ASPHD2: variants seen among roughly 807,000 people sequenced by gnomAD.
ASPHD2 encodes the protein aspartate beta-hydroxylase domain-containing protein 2.
Under a neutral mutation model 34.6 loss-of-function variants are expected in ASPHD2, and 12 were observed. The observed-to-expected ratio is 0.35, with a 90% confidence interval of 0.22 to 0.56. ASPHD2 has a LOEUF of 0.56. Among genes scored for constraint, ASPHD2 ranks in the 20% least tolerant of loss-of-function variants. The pLI is 0.87. For synonymous variants in ASPHD2, 224 were observed against 212.2 expected, an observed-to-expected ratio of 1.06 and a Z score of -0.48; for missense variants, 375 against 505.0, an observed-to-expected ratio of 0.74 and a Z score of 2.47.
chr22:26,436,677 T>A (rs1487640345), intron 2 of ASPHD2, among the ~76,000 whole-genome samples: 1 of 152,178 alleles, frequency 6.6e-6, no homozygotes, highest in Non-Finnish European at 1.5e-5. Context: ...GGTTTGCCTT[T>A]ATGTATTGTT....
rs1302261068 is a variant in ASPHD2, at chr22:26,429,887, A to G, written c.-225+401A>G. On this transcript the variant is annotated intron_variant, in intron 1 of 3. Coordinates refer to ENST00000215906, the MANE Select transcript of ASPHD2 (RefSeq NM_020437.5). The surrounding 1 kb of genome is among the most constrained non-coding windows in gnomAD (Gnocchi z 4.5). The stretch of plus-strand genomic sequence containing the variant: ...CGTGGTGACCCTCCTCCCCTGTCCC[A>G]CGAATTATGAGGCGCCATAAACCTC... Among the ~76,000 whole-genome samples the G allele has an allele frequency of 6.7e-6, 1 of 150,084 alleles. No homozygotes were observed. The highest frequency in any genetic ancestry group is 2.5e-5 in the African/African-American group (1 of 40,570).
rs547974941 is a variant in ASPHD2, at chr22:26,443,168, C to T, written c.1072C>T (p.Arg358Trp). The T allele has an allele frequency of 6.2e-7, 1 of 1,614,104 alleles. No individual in the cohort carries two copies. The highest frequency in any genetic ancestry group is 8.5e-7 in the Non-Finnish European group (1 of 1,180,006). ...LWHPNVAAAE[R>W]QALDFIFAPG... ...GCATCCAAACGTCGCAGCGGCCGAACGGCAGGCTCTTGATTTCATCTTTGC... is the reference window on the plus strand; with the variant it reads ...GCATCCAAACGTCGCAGCGGCCGAATGGCAGGCTCTTGATTTCATCTTTGC... The change falls in exon 4 of 4, where the codon CGG becomes TGG. Residue 358 changes from arginine to tryptophan, a missense_variant. Around this residue, in one of 3 missense-constraint regions of ASPHD2, gnomAD observed 142 missense variants for 217.9 expected, o/e 0.65. Transcript: ENST00000215906.
In ASPHD2 at chr22:26,433,166, C is replaced by T. The variant is rs922481732; in HGVS notation, c.-224-226C>T. On this transcript the variant is annotated intron_variant, in intron 1 of 3. Transcript: ENST00000215906. This position sits in a 1 kb window ranked among gnomAD's most constrained non-coding sequence, Gnocchi z 5.1. Reference sequence around the variant, plus strand: ...GGATAATAGCACCTCCTATGGAGGGCACAAAGCAGATGGGACCACTGTAAT... The same window carrying T: ...GGATAATAGCACCTCCTATGGAGGGTACAAAGCAGATGGGACCACTGTAAT... 6.6e-6 allele frequency among the ~76,000 whole-genome samples: 1 copy of T among 152,086 alleles called. No individual in the cohort carries two copies. Among genetic ancestry groups the T allele is most frequent in the South Asian group, 2.1e-4 (1 of 4,824 alleles).
rs543618476 is a variant in ASPHD2, at chr22:26,433,392, G to T, written c.-224G>T. ...TGCTGATTTTTTTTTTCCATCCCAG[G>T]TTTGGTTTTCCTAAACAAATCCTTT... is the stretch of plus-strand genomic sequence containing the variant. On this transcript the variant is annotated splice_region_variant and 5_prime_UTR_variant, in exon 2 of 4. Coordinates refer to ENST00000215906, the MANE Select transcript of ASPHD2 (RefSeq NM_020437.5). This position sits in a 1 kb window ranked among gnomAD's most constrained non-coding sequence, Gnocchi z 5.1. 2.4e-5 allele frequency: 13 copies of T among 546,796 alleles called. No individual in the cohort carries two copies. Among genetic ancestry groups the T allele is most frequent in the Non-Finnish European group, 3.5e-5 (11 of 312,202 alleles). The allele number at this position is 546,796 out of a possible 1,614,324, so 33.9% of individuals were successfully genotyped here.
chr22:26,438,078 G>A (rs948183574), intron 2 of ASPHD2, among the ~76,000 whole-genome samples: 3 of 152,118 alleles, frequency 2.0e-5, no homozygotes, highest in Non-Finnish European at 4.4e-5. Context: ...TTTTTCTATC[G>A]CACCGTGGCA....
At chr22:26,436,819 G>A (rs1460208140) in intron 2 of ASPHD2, among the ~76,000 whole-genome samples, 1 of 151,022 alleles carries the variant, frequency 6.6e-6, no homozygotes, top group Non-Finnish European at 1.5e-5. Context: ...AACACTTGTT[G>A]TTCATCTGTA....
In ASPHD2 at chr22:26,438,538, C is replaced by CACATACATATAT. The variant is rs2084811308; in HGVS notation, c.887-3917_887-3906dup. On this transcript the variant is annotated intron_variant, in intron 2 of 3. Coordinates refer to ENST00000215906, the MANE Select transcript of ASPHD2 (RefSeq NM_020437.5). ...ATACATATATATACATACATATATA[C>CACATACATATAT]ACATACATATATACACATACATATA... Among the ~76,000 whole-genome samples, 2 of 59,298 alleles carry CACATACATATAT rather than the reference C, an allele frequency of 3.4e-5. 1 individual carries two copies. The highest frequency in any genetic ancestry group is 6.8e-5 in the Non-Finnish European group (2 of 29,266). The allele number at this position is 59,298 out of a possible 152,430, so 38.9% of individuals were successfully genotyped here.
rs1328243483 is a variant in ASPHD2 at position 26,434,536 on chromosome 22, C to T, written c.886+35C>T. The T allele has an allele frequency of 2.6e-6, 4 of 1,529,728 alleles. No homozygotes were observed. The Admixed American group carries it at 8.7e-5, about 33-fold the overall frequency. The allele number at this position is 1,529,728 out of a possible 1,614,324, so 94.8% of individuals were successfully genotyped here. ...AAGGACAGGGGTCTCCCGGCATGCA[C>T]ATTTGCAAGCTCAGCCCCTCTCCAT... On this transcript the variant is annotated intron_variant, in intron 2 of 3. Transcript: ENST00000215906.
chr22:26,432,900 A>G (rs536490485), intron 1 of ASPHD2, among the ~76,000 whole-genome samples: 1 of 152,218 alleles, frequency 6.6e-6, no homozygotes, highest in African/African-American at 2.4e-5. Flanking sequence ...AATGGAGAAT[A>G]TGCAGTTTTT....
At chr22:26,441,274 C>T (rs917791777) in intron 2 of ASPHD2, among the ~76,000 whole-genome samples, 1 of 151,046 alleles carries the variant, frequency 6.6e-6, no homozygotes, top group Non-Finnish European at 1.5e-5. Context: ...GCCAGGAGTT[C>T]GAGACCAGCC....
intron 1 of ASPHD2, among the ~76,000 whole-genome samples, chr22:26,430,562 G>A (rs2084750592): frequency 6.6e-6 from 1 of 152,216 alleles, no homozygotes; most frequent in African/African-American, 2.4e-5. Flanking sequence ...TGTCGGGGGA[G>A]AGAGTCTCTC....
rs1283752939 is a variant in ASPHD2 at position 26,438,451 on chromosome 22, A to G, written c.886+3950A>G. Reference sequence around the variant, plus strand: ...GATATATACACACATACATATATATACATATATATACACACACACATATAT... The same window carrying G: ...GATATATACACACATACATATATATGCATATATATACACACACACATATAT... On this transcript the variant is annotated intron_variant, in intron 2 of 3. Transcript: ENST00000215906. 2.4e-5 allele frequency among the ~76,000 whole-genome samples: 3 copies of G among 126,924 alleles called. No homozygotes were observed. In the East Asian group the frequency reaches 6.8e-4, roughly 29 times the overall value. 83.3% of individuals were successfully genotyped at this position (126,924 alleles called of 152,430 possible).
chr22:26,442,610 AATAGACTTTTATTTTTTTAGAG>A, intron 3 of ASPHD2, 38 bp downstream of exon 3: 1 of 1,468,048 alleles, frequency 6.8e-7, no homozygotes, highest in Non-Finnish European at 9.3e-7. Context: ...TTTTTCAATG[AATAGACTTTTATTTTTTTAGAG>A]AAGTTTTAGG....
chr22:26,434,577 G>A, intron 2 of ASPHD2, 76 bp downstream of exon 2: 1 of 1,468,580 alleles, frequency 6.8e-7, no homozygotes, highest in South Asian at 1.4e-5. Flanking sequence ...CATCGCGAAA[G>A]CTCAAATGGT....
At position 26,443,693 on chromosome 22, in the gene ASPHD2, G is replaced by A. The variant is rs1390331683; in HGVS notation, c.*487G>A. 6.6e-6 allele frequency: 1 copy of A among 152,368 alleles called. No homozygotes were observed. Among genetic ancestry groups the A allele is most frequent in the African/African-American group, 2.4e-5 (1 of 41,322 alleles). The allele number at this position is 152,368 out of a possible 1,614,324, so 9.4% of individuals were successfully genotyped here. Reference sequence around the variant, plus strand: ...CTTGGCCTCTGATGCTGGCACACTGGGGACCCTTCAGCCACCTGACGGCAG... The same window carrying A: ...CTTGGCCTCTGATGCTGGCACACTGAGGACCCTTCAGCCACCTGACGGCAG... On this transcript the variant is annotated 3_prime_UTR_variant, in exon 4 of 4. Coordinates refer to ENST00000215906, the MANE Select transcript of ASPHD2 (RefSeq NM_020437.5).
At chr22:26,432,254 A>C (rs565554969) in intron 1 of ASPHD2, among the ~76,000 whole-genome samples, 1 of 152,222 alleles carries the variant, frequency 6.6e-6, no homozygotes, top group African/African-American at 2.4e-5. Context: ...TGAATCCTCA[A>C]CTGGGCCCAT....
rs921882887 is a variant in ASPHD2, at chr22:26,443,390, T to A, written c.*184T>A. 1 of 570,574 alleles carries A rather than the reference T, an allele frequency of 1.8e-6. No homozygotes were observed. Among genetic ancestry groups the A allele is most frequent in the Admixed American group, 3.4e-5 (1 of 29,850 alleles). The allele number at this position is 570,574 out of a possible 1,614,324, so 35.3% of individuals were successfully genotyped here. A position where few individuals can be genotyped will look rare whatever the true frequency, so the allele number is the denominator to read the frequency against. On this transcript the variant is annotated 3_prime_UTR_variant, in exon 4 of 4. Coordinates refer to ENST00000215906, the MANE Select transcript of ASPHD2 (RefSeq NM_020437.5). ...CCTTGGTTATTGTAAATGGAAACTT[T>A]TCGGCTTGTATTTCCTTAGATTTTT...
chr22:26,431,425 A>G (rs1200749157), intron 1 of ASPHD2, among the ~76,000 whole-genome samples: 1 of 151,912 alleles, frequency 6.6e-6, no homozygotes, highest in African/African-American at 2.4e-5. Flanking sequence ...AAGAAAAAAA[A>G]AAAAAAACAA....
At chr22:26,436,531 G>A (rs1389587199) in intron 2 of ASPHD2, among the ~76,000 whole-genome samples, 2 of 152,214 alleles carry the variant, frequency 1.3e-5, no homozygotes, top group East Asian at 1.9e-4. Context: ...GGGAAGCCGG[G>A]TCTAGGCTTG....
Sources: allele counts gnomAD v4.1 joint callset (sites outside exome capture counted in the v4.1 genomes callset), GRCh38; gene constraint gnomAD v4.1.1; regional missense constraint gnomAD v4.1.1; non-coding constraint Gnocchi (gnomAD v3.1); transcripts MANE v1.5; gene names NCBI Gene and HGNC (gene_info 2026-07-23, HGNC 2026-07-21).